The following ESRRG variants were observed in gnomAD, a reference collection of about 807,000 sequenced individuals.
ESRRG encodes the protein estrogen related receptor gamma.
Under a neutral mutation model 44.0 loss-of-function variants are expected in ESRRG, and 13 were observed. That is an observed-to-expected ratio of 0.30 (90% CI 0.19 to 0.47). ESRRG has a LOEUF of 0.47. ESRRG is among the 20% of genes least tolerant of loss of function. ESRRG has a pLI of 1.00. For missense variants in ESRRG, 395 were observed against 580.6 expected (o/e 0.68, Z 3.29); for synonymous variants, 215 against 214.6 (o/e 1.00, Z -0.02).
chr1:216,999,796 T>C (rs560927564), intron 1 of ESRRG, among the ~76,000 whole-genome samples: 12 of 152,338 alleles, frequency 7.9e-5, no homozygotes, highest in Non-Finnish European at 1.0e-4. Flanking sequence ...GATTCTGAGA[T>C]AAACTGATAA....
chr1:216,982,887 C>A (rs1445437872), intron 1 of ESRRG, among the ~76,000 whole-genome samples: 1 of 152,112 alleles, frequency 6.6e-6, no homozygotes, highest in Non-Finnish European at 1.5e-5. Flanking sequence ...AGGTCACAAT[C>A]ATCAATAATT....
At chr1:217,116,727 T>C (rs888971005) in intron 1 of ESRRG, among the ~76,000 whole-genome samples, 1 of 152,188 alleles carries the variant, frequency 6.6e-6, no homozygotes, top group Admixed American at 6.5e-5. Context: ...TCTGCTTTTC[T>C]CCCACATTTG....
intron 1 of ESRRG, among the ~76,000 whole-genome samples, chr1:216,954,523 A>G (rs907077660): frequency 6.6e-6 from 1 of 152,160 alleles, no homozygotes; most frequent in Non-Finnish European, 1.5e-5. Context: ...TGCAATTTTC[A>G]ATATAACGCA....
intron 2 of ESRRG, among the ~76,000 whole-genome samples, chr1:216,807,130 G>A (rs781721852): frequency 4.6e-5 from 7 of 152,154 alleles, no homozygotes; most frequent in African/African-American, 9.7e-5. Flanking sequence ...TTACGCCATG[G>A]TTTGACATGA....
At chr1:216,890,749 C>A (rs975716197) in intron 2 of ESRRG, among the ~76,000 whole-genome samples, 1 of 152,148 alleles carries the variant, frequency 6.6e-6, no homozygotes, top group African/African-American at 2.4e-5. Context: ...TATAAAAACC[C>A]AAACTATGGG....
intron 2 of ESRRG, among the ~76,000 whole-genome samples, chr1:216,937,258 A>G (rs1203276872): frequency 6.6e-6 from 1 of 151,930 alleles, no homozygotes. Context: ...AAAAAAAAAG[A>G]TTGCCGTGAT....
intron 2 of ESRRG, among the ~76,000 whole-genome samples, chr1:216,905,302 CT>C (rs71163775): frequency 0.015 from 2,265 of 149,374 alleles, 28 homozygotes; most frequent in Non-Finnish European, 0.023. Flanking sequence ...GTCATGTTGC[CT>C]TTTTTTTTTC....
chr1:216,669,245 A>G (rs2074649457), intron 2 of ESRRG, among the ~76,000 whole-genome samples: 1 of 152,208 alleles, frequency 6.6e-6, no homozygotes, highest in South Asian at 2.1e-4. Flanking sequence ...GCTCTTTGAC[A>G]ACCTCAAAAG....
At chr1:216,627,432 A>T (rs1235764419) in intron 3 of ESRRG, among the ~76,000 whole-genome samples, 1 of 152,056 alleles carries the variant, frequency 6.6e-6, no homozygotes, top group Non-Finnish European at 1.5e-5. Context: ...AACACATCTC[A>T]GTCCTGTTTA....
At chr1:216,716,613 C>G (rs1247121595) in intron 1 of ESRRG, among the ~76,000 whole-genome samples, 1 of 151,768 alleles carries the variant, frequency 6.6e-6, no homozygotes, top group East Asian at 1.9e-4. Context: ...TTTTGTTTCA[C>G]TCAAAGAAAA....
At chr1:216,514,349 C>T (rs1173417805) in intron 6 of ESRRG, among the ~76,000 whole-genome samples, 1 of 151,826 alleles carries the variant, frequency 6.6e-6, no homozygotes, top group African/African-American at 2.4e-5. Context: ...TCTTATTTAC[C>T]TGATAGTATT....
At chr1:216,991,135 T>C (rs1362771917) in intron 1 of ESRRG, among the ~76,000 whole-genome samples, 1 of 152,024 alleles carries the variant, frequency 6.6e-6, no homozygotes, top group Non-Finnish European at 1.5e-5. Flanking sequence ...GTGCTCCTTA[T>C]GAGAATTGAA....
chr1:217,104,975 CATG>C lies in ESRRG; in HGVS notation c.-230+32689_-230+32691del, dbSNP rs148173228. 4.4e-3 allele frequency among the ~76,000 whole-genome samples: 664 copies of C among 152,290 alleles called. 34 individuals carry two copies. The South Asian group carries it at 0.11, about 24-fold the overall frequency. On this transcript the variant is annotated intron_variant, in intron 1 of 8. Coordinates refer to the ESRRG transcript ENST00000366940. ...GAGCATTTGAATGATCATGGCTAAT[CATG>C]TTCTGTGTGAATTCAGTTGGACAGT...
intron 1 of ESRRG, chr1:216,939,677 T>C (rs1578406161): frequency 6.6e-6 from 1 of 150,538 alleles, no homozygotes. Context: ...GTCAGCTCTA[T>C]TCATTTATGT....
chr1:216,869,016 T>C (rs79031969), intron 2 of ESRRG, among the ~76,000 whole-genome samples: 2,877 of 152,278 alleles, frequency 0.019, 94 homozygotes, highest in African/African-American at 0.066. Flanking sequence ...AGCAAGAGAA[T>C]TGTCCTCTCA....
chr1:216,936,328 G>C (rs1246151710), intron 2 of ESRRG, among the ~76,000 whole-genome samples: 1 of 152,112 alleles, frequency 6.6e-6, no homozygotes, highest in Non-Finnish European at 1.5e-5. Context: ...AAGTTAGCAT[G>C]TCAGTATCAT....
chr1:217,007,308 C>T (rs2077883004), intron 1 of ESRRG, among the ~76,000 whole-genome samples: 1 of 152,074 alleles, frequency 6.6e-6, no homozygotes, highest in Non-Finnish European at 1.5e-5. Context: ...CCATATGGTT[C>T]CAGGCTAAAA....
chr1:216,541,483 C>T (rs1352727223), intron 5 of ESRRG, among the ~76,000 whole-genome samples: 1 of 150,684 alleles, frequency 6.6e-6, no homozygotes, highest in Non-Finnish European at 1.5e-5. Context: ...GGAGTGTGAA[C>T]CTCAGTTTAA....
intron 1 of ESRRG, among the ~76,000 whole-genome samples, chr1:216,971,188 C>A (rs2071580959): frequency 6.6e-6 from 1 of 152,108 alleles, no homozygotes; most frequent in Admixed American, 6.6e-5. Flanking sequence ...TCTCTCCTTA[C>A]AACAGTTTAA....
Sources: gnomAD v4.1 joint callset for allele counts (sites outside exome capture counted in the v4.1 genomes callset) on GRCh38, gnomAD v4.1.1 for gene constraint, MANE v1.5 for transcripts, NCBI Gene and HGNC (gene_info 2026-07-23, HGNC 2026-07-21) for gene names.